Variants in AOPEP observed in about 807,000 individuals in gnomAD.
AOPEP encodes aminopeptidase O (putative).
In AOPEP, 77 loss-of-function variants were observed where a neutral mutation model predicts 98.1. The observed-to-expected ratio is 0.78, with a 90% CI of 0.65 to 0.95. The LOEUF (loss-of-function observed/expected upper bound fraction) is 0.95. Ranked by LOEUF, AOPEP falls within the 40% of genes least tolerant of loss-of-function variation. AOPEP has a pLI of 0.00. For missense variants in AOPEP, 1,024 were observed against 1,024.7 expected, an observed-to-expected ratio of 1.00 and a Z score of 0.01; for synonymous variants, 346 against 365.3, an observed-to-expected ratio of 0.95 and a Z score of 0.60.
At chr9:95,012,824 A>G (rs2062638835) in intron 13 of AOPEP, among the ~76,000 whole-genome samples, 1 of 152,164 alleles carries the variant, frequency 6.6e-6, no homozygotes, top group Admixed American at 6.5e-5. Flanking sequence ...AATGAATTAA[A>G]TGAATGAATC....
At chr9:95,027,952 TG>T (rs1290760228) in intron 13 of AOPEP, among the ~76,000 whole-genome samples, 4 of 152,240 alleles carry the variant, frequency 2.6e-5, no homozygotes, top group African/African-American at 9.6e-5. Flanking sequence ...CCTCTCGTCG[TG>T]GGTGAAGTTC....
Position 95,005,142 on chromosome 9 carries a change from T to C in AOPEP, c.1978-16T>C, listed in dbSNP as rs1589234700. On this transcript the variant is annotated splice_polypyrimidine_tract_variant and intron_variant, in intron 11 of 16. Coordinates refer to ENST00000375315, the MANE Select transcript of AOPEP (RefSeq NM_001193329.3). ...CGCTCCCGCGGTAAACTTGACTGTG[T>C]CCTCTTCCCCCGCAGCCGCTGCAGA... 1.8e-6 allele frequency: 2 copies of C among 1,136,168 alleles called. No homozygotes were observed. Among genetic ancestry groups the C allele is most frequent in the Non-Finnish European group, 2.2e-6 (2 of 924,598 alleles). The allele number at this position is 1,136,168 out of a possible 1,614,324, so 70.4% of individuals were successfully genotyped here. A position where few individuals can be genotyped will look rare whatever the true frequency, so the allele number is the denominator to read the frequency against.
intron 5 of AOPEP, among the ~76,000 whole-genome samples, chr9:94,920,633 T>C (rs566594134): frequency 2.0e-5 from 3 of 152,292 alleles, no homozygotes; most frequent in African/African-American, 4.8e-5. Flanking sequence ...CCGCTCCAAA[T>C]TGAATTCCTC....
intron 13 of AOPEP, among the ~76,000 whole-genome samples, chr9:95,040,636 G>C (rs939149381): frequency 2.0e-5 from 3 of 152,168 alleles, no homozygotes; most frequent in Admixed American, 6.5e-5. Context: ...ATGTCTTTCT[G>C]ACCAGGTGCC....
intron 13 of AOPEP, among the ~76,000 whole-genome samples, chr9:95,055,812 A>T (rs559419097): frequency 6.6e-6 from 1 of 152,204 alleles, no homozygotes; most frequent in African/African-American, 2.4e-5. Context: ...GTGACTTTCA[A>T]AGGACCCTGC....
chr9:95,089,773 G>C (rs941495644), downstream of AOPEP, among the ~76,000 whole-genome samples: 5 of 152,226 alleles, frequency 3.3e-5, no homozygotes, highest in African/African-American at 1.2e-4. Flanking sequence ...CAGCTCAGCA[G>C]CTCCCCGCGG....
chr9:94,905,772 A>G (rs1228546440), intron 5 of AOPEP, among the ~76,000 whole-genome samples: 2 of 152,166 alleles, frequency 1.3e-5, no homozygotes, highest in African/African-American at 2.4e-5. Flanking sequence ...AAATCTATCA[A>G]TGATCAGATG....
At position 95,019,343 on chromosome 9, in the gene AOPEP, T is replaced by C. The variant is rs141947590; in HGVS notation, c.2115+13727T>C. The C allele has an allele frequency of 2.0e-5, 3 of 152,370 alleles. No individual in the cohort carries two copies. The East Asian group carries it at 5.8e-4, about 29-fold the overall frequency. The allele number at this position is 152,370 out of a possible 1,614,324, so 9.4% of individuals were successfully genotyped here. ...AAATTGGAAGCTCCCTAGGTGGTGG[T>C]CAGGCTGTTGATGAGATTTGTATTC... On this transcript the variant is annotated intron_variant, in intron 13 of 16. Transcript: ENST00000375315.
In AOPEP at chr9:95,080,718, A is replaced by G; in HGVS notation, c.2257A>G (p.Ile753Val). 6.2e-7 allele frequency: 1 copy of G among 1,613,816 alleles called. No individual in the cohort carries two copies. Among genetic ancestry groups the G allele is most frequent in the Non-Finnish European group, 8.5e-7 (1 of 1,179,952 alleles). ...GGTTCGCCATCGGTGGTGTGAACTC[A>G]TTGTTAAGCACAAGTTCACGAAAGC... ...AEVRHRWCEL[I>V]VKHKFTKAYK... The change falls in exon 15 of 17, where the codon ATT (isoleucine) becomes GTT (valine). Residue 753 changes from isoleucine to valine, a missense_variant. Ile to Val is a conservative substitution (Grantham distance 29). Around this residue, in one of 3 missense-constraint regions of AOPEP, gnomAD observed 566 missense variants for 551.7 expected, o/e 1.03. Coordinates refer to ENST00000375315, the MANE Select transcript of AOPEP (RefSeq NM_001193329.3).
chr9:95,005,511 T>A (rs1378790889), intron 12 of AOPEP, 31 bp from the exon 13 acceptor site: 1 of 1,604,726 alleles, frequency 6.2e-7, no homozygotes, highest in South Asian at 1.1e-5. Flanking sequence ...CCTGTCGCCT[T>A]CTTTGAAATG....
chr9:95,087,275 G>A (rs1380610730), downstream of AOPEP: 2 of 151,894 alleles, frequency 1.3e-5, no homozygotes, highest in African/African-American at 4.8e-5. Flanking sequence ...ACGAGGTCAG[G>A]AGATCGAGAC....
the AOPEP span, chr9:95,123,825 G>A: frequency 1.5e-6 from 1 of 674,488 alleles, no homozygotes; most frequent in Non-Finnish European, 2.8e-6. Context: ...CTCCAATTTA[G>A]ACCTGCGGAT....
intron 1 of AOPEP, among the ~76,000 whole-genome samples, chr9:94,742,801 G>A (rs576050481): frequency 2.0e-5 from 3 of 152,186 alleles, no homozygotes; most frequent in East Asian, 1.9e-4. Flanking sequence ...CAAATTTGGG[G>A]CATGTAATTT....
chr9:95,048,080 C>G (rs182987418), intron 13 of AOPEP, among the ~76,000 whole-genome samples: 3 of 151,644 alleles, frequency 2.0e-5, no homozygotes, highest in African/African-American at 7.3e-5. Context: ...AACATTTGTT[C>G]TGCAGGAGGG....
At chr9:95,069,764 G>A (rs375417537) in intron 14 of AOPEP, among the ~76,000 whole-genome samples, 8 of 152,318 alleles carry the variant, frequency 5.3e-5, no homozygotes, top group African/African-American at 1.7e-4. Flanking sequence ...TGTGCATGTC[G>A]AGTGTGATGG....
chr9:95,068,953 C>T (rs1048339159), intron 14 of AOPEP, among the ~76,000 whole-genome samples: 1 of 152,120 alleles, frequency 6.6e-6, no homozygotes, highest in African/African-American at 2.4e-5. Context: ...GTGCGTGGCC[C>T]TTCTCAAGGA....
chr9:94,865,479 A>G (rs2135506980), intron 5 of AOPEP, among the ~76,000 whole-genome samples: 1 of 152,326 alleles, frequency 6.6e-6, no homozygotes, highest in Non-Finnish European at 1.5e-5. Flanking sequence ...CTGTAATGAA[A>G]TTGAAATGCT....
At chr9:95,096,954 C>T in the AOPEP span, among the ~76,000 whole-genome samples, 2 of 152,118 alleles carry the variant, frequency 1.3e-5, no homozygotes, top group Admixed American at 1.3e-4. Flanking sequence ...ACAGCAGTAC[C>T]CTCGGTTGGA....
In AOPEP at chr9:94,950,288, T is replaced by G. The variant is rs145788492; in HGVS notation, c.1662-4889T>G. Reference sequence around the variant, plus strand: ...TAGTCGGAACACAGAACGCAGATAATAGCCACATTTACATTGAGCTACTGA... The same window carrying G: ...TAGTCGGAACACAGAACGCAGATAAGAGCCACATTTACATTGAGCTACTGA... On this transcript the variant is annotated intron_variant, in intron 7 of 16. Coordinates refer to ENST00000375315, the MANE Select transcript of AOPEP (RefSeq NM_001193329.3). Among the ~76,000 whole-genome samples the G allele has an allele frequency of 2.4e-3, 367 of 152,314 alleles. 2 individuals carry two copies. The highest frequency in any genetic ancestry group is 0.018 in the South Asian group (88 of 4,824).
Sources: gnomAD v4.1 joint callset for allele counts (sites outside exome capture counted in the v4.1 genomes callset) on GRCh38, gnomAD v4.1.1 for gene constraint, gnomAD v4.1.1 regional missense constraint, MANE v1.5 for transcripts, NCBI Gene and HGNC (gene_info 2026-07-23, HGNC 2026-07-21) for gene names.